The following SEPTIN9 variants were observed in gnomAD, a reference collection of about 807,000 sequenced individuals.
The protein encoded by SEPTIN9 is septin 9.
Under a neutral mutation model 56.6 loss-of-function variants are expected in SEPTIN9, and 13 were observed. The observed-to-expected ratio is 0.23, with a 90% CI of 0.15 to 0.37. SEPTIN9 has a LOEUF of 0.37. SEPTIN9 is among the 10% of genes least tolerant of loss of function. SEPTIN9 has a pLI of 1.00. For missense variants in SEPTIN9, 650 were observed against 823.1 expected (o/e 0.79, Z 2.57); for synonymous variants, 332 against 334.1 (o/e 0.99, Z 0.07).
intron 3 of SEPTIN9, among the ~76,000 whole-genome samples, chr17:77,478,659 C>T (rs990541222): frequency 2.6e-5 from 4 of 152,028 alleles, no homozygotes; most frequent in Admixed American, 1.3e-4. Context: ...CAAAATTAGC[C>T]GGGCATGGTG....
rs146495461 is a variant in SEPTIN9 at position 77,384,842 on chromosome 17, AACACACACACACACACACACAC to A, written c.77-17192_77-17171del. Among the ~76,000 whole-genome samples, 207 of 142,256 alleles carry A rather than the reference AACACACACACACACACACACAC, an allele frequency of 1.5e-3. 2 individuals are homozygous for A. The highest frequency in any genetic ancestry group is 0.012 in the East Asian group (57 of 4,692). 93.3% of individuals were successfully genotyped at this position (142,256 alleles called of 152,430 possible). ...CATCATCACTGTATGAACCTGTTTA[AACACACACACACACACACACAC>A]ACACACACACACACACACACACACT... On this transcript the variant is annotated intron_variant, in intron 2 of 11. Transcript: ENST00000427177.
In SEPTIN9 at chr17:77,452,000, C is replaced by CAGCCTCGA. The variant is rs2037993201; in HGVS notation, c.722-30143_722-30142insGCCTCGAA. Among the ~76,000 whole-genome samples the CAGCCTCGA allele has an allele frequency of 6.6e-6, 1 of 152,204 alleles. No individual in the cohort carries two copies. Among genetic ancestry groups the CAGCCTCGA allele is most frequent in the Non-Finnish European group, 1.5e-5 (1 of 68,026 alleles). ...GCTGGCTGGAGGCTGGAGATAGTCT[C>CAGCCTCGA]AATGCTCGAAATGCCGTAACCGAAG... On this transcript the variant is annotated intron_variant, in intron 3 of 11. Coordinates refer to ENST00000427177, the MANE Select transcript of SEPTIN9 (RefSeq NM_001113491.2). This position sits in a 1 kb window ranked among gnomAD's most constrained non-coding sequence, Gnocchi z 4.2.
At chr17:77,397,170 A>G (rs946705089) in intron 2 of SEPTIN9, 3 of 154,680 alleles carry the variant, frequency 1.9e-5, no homozygotes, top group Non-Finnish European at 4.4e-5. Context: ...ATGGTTCTGG[A>G]GGCCACAAGT....
intron 1 of SEPTIN9, among the ~76,000 whole-genome samples, chr17:77,294,205 G>A (rs2031701662): frequency 6.6e-6 from 1 of 152,012 alleles, no homozygotes; most frequent in African/African-American, 2.4e-5. Context: ...GATCACTTGA[G>A]GTCAGGAGTT....
chr17:77,344,557 C>T (rs2033829846), intron 2 of SEPTIN9, among the ~76,000 whole-genome samples: 5 of 152,354 alleles, frequency 3.3e-5, no homozygotes, highest in South Asian at 2.1e-4. Context: ...GTGCTACATT[C>T]TTGTTTGTAG....
chr17:77,365,063 G>A (rs1206529450), intron 2 of SEPTIN9, among the ~76,000 whole-genome samples: 1 of 152,166 alleles, frequency 6.6e-6, no homozygotes, highest in African/African-American at 2.4e-5. Context: ...TATGTGGTTC[G>A]GTCTCCACTG....
intron 2 of SEPTIN9, among the ~76,000 whole-genome samples, chr17:77,364,188 G>A (rs1479369161): frequency 6.6e-6 from 1 of 152,202 alleles, no homozygotes; most frequent in Admixed American, 6.5e-5. Flanking sequence ...CCCAGCCAGC[G>A]CACCCCGCGC....
intron 2 of SEPTIN9, among the ~76,000 whole-genome samples, chr17:77,398,539 C>T (rs553920154): frequency 6.6e-6 from 1 of 152,250 alleles, no homozygotes; most frequent in East Asian, 1.9e-4. Flanking sequence ...GGGGGGATGG[C>T]GTGAGCCAGG....
intron 2 of SEPTIN9, among the ~76,000 whole-genome samples, chr17:77,397,815 A>T (rs942438414): frequency 1.3e-5 from 2 of 151,818 alleles, no homozygotes; most frequent in African/African-American, 4.8e-5. Flanking sequence ...ATGCCTAGCT[A>T]ATTTTTTGTG....
At chr17:77,495,198 C>CCTCT (rs2040207534) in intron 10 of SEPTIN9, among the ~76,000 whole-genome samples, 1 of 152,136 alleles carries the variant, frequency 6.6e-6, no homozygotes, top group African/African-American at 2.4e-5. Context: ...GGTCCCCGCA[C>CCTCT]CTCTCTGACC....
intron 3 of SEPTIN9, among the ~76,000 whole-genome samples, chr17:77,430,331 T>C (rs2037078661): frequency 6.6e-6 from 1 of 152,186 alleles, no homozygotes; most frequent in African/African-American, 2.4e-5. Context: ...AAGTCTCTCC[T>C]GTCACACCCC....
At chr17:77,484,257 G>A (rs1368200188) in intron 4 of SEPTIN9, 1 of 46,906 alleles carries the variant, frequency 2.1e-5, no homozygotes, top group Non-Finnish European at 4.1e-5. Context: ...TGATGGGGAT[G>A]ATGGTGATGG....
chr17:77,405,235 C>G lies in SEPTIN9; in HGVS notation c.721+2532C>G. On this transcript the variant is annotated intron_variant, in intron 3 of 11. Transcript: ENST00000427177. The surrounding 1 kb of genome is among the most constrained non-coding windows in gnomAD (Gnocchi z 5.8). ...TTGTGCCAGAGACTGTGCCGGGAGC[C>G]AGGCCCAGGGACACAACCTGCGGGC... is the stretch of plus-strand genomic sequence containing the variant. 2.7e-6 allele frequency: 3 copies of G among 1,106,060 alleles called. No homozygotes were observed. Among genetic ancestry groups the G allele is most frequent in the Non-Finnish European group, 3.9e-6 (3 of 776,778 alleles). 68.5% of individuals were successfully genotyped at this position (1,106,060 alleles called of 1,614,324 possible).
In SEPTIN9 at chr17:77,499,584, T is replaced by C. The variant is rs967524142; in HGVS notation, c.*926T>C. On this transcript the variant is annotated 3_prime_UTR_variant, in exon 12 of 12. Coordinates refer to ENST00000427177, the MANE Select transcript of SEPTIN9 (RefSeq NM_001113491.2). Reference sequence around the variant, plus strand: ...GGCGGGGGCACGTGTGGGCCGTGGCTTGGGCTGGTCAGAGTGGCGTGAGCT... The same window carrying C: ...GGCGGGGGCACGTGTGGGCCGTGGCCTGGGCTGGTCAGAGTGGCGTGAGCT... The C allele has an allele frequency of 2.2e-6, 1 of 445,646 alleles. No individual in the cohort carries two copies. Among genetic ancestry groups the C allele is most frequent in the Non-Finnish European group, 4.3e-6 (1 of 233,422 alleles). 27.6% of individuals were successfully genotyped at this position (445,646 alleles called of 1,614,324 possible).
At chr17:77,479,211 A>G (rs2039346920) in intron 3 of SEPTIN9, among the ~76,000 whole-genome samples, 1 of 152,268 alleles carries the variant, frequency 6.6e-6, no homozygotes, top group Non-Finnish European at 1.5e-5. Flanking sequence ...CACGCTGAGC[A>G]GCGCAGGCCT....
intron 3 of SEPTIN9, among the ~76,000 whole-genome samples, chr17:77,479,891 C>T (rs999464599): frequency 6.6e-5 from 10 of 152,174 alleles, no homozygotes; most frequent in African/African-American, 1.7e-4. Flanking sequence ...ACTGCTGCCC[C>T]GCAAGGCAAG....
intron 4 of SEPTIN9, among the ~76,000 whole-genome samples, chr17:77,486,519 TGTGCGCGCACGCGCGCGC>T (rs1455966837): frequency 5.7e-4 from 61 of 106,794 alleles, no homozygotes; most frequent in African/African-American, 3.0e-3. Context: ...TGTGTGTGTG[TGTGCGCGCACGCGCGCGC>T]GTGTTATATG....
intron 3 of SEPTIN9, among the ~76,000 whole-genome samples, chr17:77,467,079 G>A (rs895376631): frequency 2.0e-5 from 3 of 152,314 alleles, no homozygotes; most frequent in Admixed American, 1.3e-4. Flanking sequence ...TCACTCTTCC[G>A]CTGGGGCCGG....
At chr17:77,296,293 C>T (rs1312361915) in intron 1 of SEPTIN9, among the ~76,000 whole-genome samples, 6 of 152,168 alleles carry the variant, frequency 3.9e-5, no homozygotes, top group South Asian at 2.1e-4. Context: ...ACCAAGGCAC[C>T]GTCTGCATCA....
Sources: allele counts gnomAD v4.1 joint callset (sites outside exome capture counted in the v4.1 genomes callset), GRCh38; gene constraint gnomAD v4.1.1; non-coding constraint Gnocchi (gnomAD v3.1); transcripts MANE v1.5; gene names NCBI Gene and HGNC (gene_info 2026-07-23, HGNC 2026-07-21).